Variants in RBFOX1 observed in about 807,000 individuals in gnomAD.
RBFOX1 encodes RNA binding protein fox-1 homolog 1.
Under a neutral mutation model 57.7 loss-of-function variants are expected in RBFOX1, and 8 were observed. That is an observed-to-expected ratio of 0.14 (90% CI 0.08 to 0.25). The LOEUF is 0.25. RBFOX1 is among the 10% of genes least tolerant of loss of function. RBFOX1 has a pLI of 1.00. For missense variants in RBFOX1, 611 were observed against 548.5 expected, an observed-to-expected ratio of 1.11 and a Z score of -1.14; for synonymous variants, 326 against 222.4, an observed-to-expected ratio of 1.47 and a Z score of -4.15.
chr16:5,724,763 C>A (rs1740927589), intron 3 of RBFOX1, among the ~76,000 whole-genome samples: 1 of 152,286 alleles, frequency 6.6e-6, no homozygotes. Flanking sequence ...AAGTACCTGG[C>A]ACCATACTGG....
chr16:7,603,368 G>T (rs1303303977), intron 9 of RBFOX1, among the ~76,000 whole-genome samples: 3 of 152,192 alleles, frequency 2.0e-5, no homozygotes, highest in African/African-American at 7.2e-5. Context: ...ATGTTGGACA[G>T]CAGTCTTGCC....
chr16:7,467,258 C>A (rs189930905), intron 4 of RBFOX1, among the ~76,000 whole-genome samples: 1 of 152,086 alleles, frequency 6.6e-6, no homozygotes, highest in Admixed American at 6.6e-5. Context: ...GGCGACCTCT[C>A]AATAGGGAAC....
chr16:6,901,419 A>G (rs934671050), intron 3 of RBFOX1, among the ~76,000 whole-genome samples: 12 of 152,266 alleles, frequency 7.9e-5, no homozygotes, highest in African/African-American at 2.4e-4. Flanking sequence ...GGGGAAGACA[A>G]TAACACAGAG....
intron 3 of RBFOX1, among the ~76,000 whole-genome samples, chr16:6,929,306 G>A (rs1227940836): frequency 6.6e-6 from 1 of 152,136 alleles, no homozygotes; most frequent in African/African-American, 2.4e-5. Context: ...CTGGTAAATG[G>A]AAGAGGGGTT....
chr16:6,391,665 G>A (rs1045483685), intron 2 of RBFOX1, among the ~76,000 whole-genome samples: 1 of 152,298 alleles, frequency 6.6e-6, no homozygotes, highest in East Asian at 1.9e-4. Context: ...GATGGAAGGT[G>A]ATAGTCATGG....
At chr16:7,147,686 G>T (rs1448842222) in intron 4 of RBFOX1, among the ~76,000 whole-genome samples, 1 of 152,092 alleles carries the variant, frequency 6.6e-6, no homozygotes, top group Non-Finnish European at 1.5e-5. Flanking sequence ...TCCATGTTGT[G>T]TATGGACCAC....
intron 4 of RBFOX1, among the ~76,000 whole-genome samples, chr16:7,498,360 C>G (rs1490777305): frequency 6.6e-6 from 1 of 152,102 alleles, no homozygotes; most frequent in Non-Finnish European, 1.5e-5. Context: ...CTCACTCAGC[C>G]TCTATGACAC....
intron 2 of RBFOX1, among the ~76,000 whole-genome samples, chr16:6,472,546 A>C (rs1261116538): frequency 6.6e-6 from 1 of 151,982 alleles, no homozygotes; most frequent in Admixed American, 6.6e-5. Context: ...GGATTTGGGG[A>C]AAGTGTGAGT....
chr16:7,338,421 G>A (rs1485222377), intron 4 of RBFOX1, among the ~76,000 whole-genome samples: 1 of 151,866 alleles, frequency 6.6e-6, no homozygotes, highest in Non-Finnish European at 1.5e-5. Flanking sequence ...TTAGAGAAAG[G>A]GTCTCACTCT....
chr16:5,416,716 C>G (rs111654720), intron 1 of RBFOX1, among the ~76,000 whole-genome samples: 1 of 150,518 alleles, frequency 6.6e-6, no homozygotes, highest in African/African-American at 2.5e-5. Context: ...TCAAGATTTT[C>G]TCTGTATCTC....
At chr16:7,070,813 G>A (rs554319223) in intron 4 of RBFOX1, among the ~76,000 whole-genome samples, 29 of 152,276 alleles carry the variant, frequency 1.9e-4, no homozygotes, top group Non-Finnish European at 2.8e-4. Context: ...CAGGTGGTGC[G>A]GATTGGGAAA....
At chr16:7,046,723 A>G (rs1196043378) in intron 3 of RBFOX1, among the ~76,000 whole-genome samples, 1 of 147,290 alleles carries the variant, frequency 6.8e-6, no homozygotes, top group Non-Finnish European at 1.5e-5. Flanking sequence ...CTCCTGCCTC[A>G]GCCTCCCAAA....
At chr16:5,330,649 C>G (rs971961857) in intron 1 of RBFOX1, among the ~76,000 whole-genome samples, 1 of 151,984 alleles carries the variant, frequency 6.6e-6, no homozygotes, top group African/African-American at 2.4e-5. Context: ...AGGTGATCTG[C>G]CTGCATCTGC....
At chr16:7,075,225 T>A (rs1307694465) in intron 4 of RBFOX1, among the ~76,000 whole-genome samples, 1 of 152,200 alleles carries the variant, frequency 6.6e-6, no homozygotes, top group African/African-American at 2.4e-5. Flanking sequence ...CACTTCTGGG[T>A]ACCAACAGTA....
intron 4 of RBFOX1, among the ~76,000 whole-genome samples, chr16:7,172,795 C>A (rs1278286187): frequency 6.6e-6 from 1 of 152,034 alleles, no homozygotes; most frequent in Non-Finnish European, 1.5e-5. Flanking sequence ...GTTGGCTTCC[C>A]AATGTAGAGT....
chr16:7,606,018 G>A (rs1387435412), intron 9 of RBFOX1, among the ~76,000 whole-genome samples: 1 of 151,986 alleles, frequency 6.6e-6, no homozygotes, highest in Admixed American at 6.6e-5. Context: ...ATGCTGGACA[G>A]GCTGCTCTCT....
chr16:5,391,874 G>GGTGT (rs747794354), intron 1 of RBFOX1, among the ~76,000 whole-genome samples: 1 of 125,816 alleles, frequency 7.9e-6, no homozygotes. Context: ...AAGAAACTAT[G>GGTGT]GTGTGTGTGT....
intron 2 of RBFOX1, among the ~76,000 whole-genome samples, chr16:6,427,595 G>T (rs1021161893): frequency 1.8e-4 from 28 of 152,148 alleles, no homozygotes; most frequent in Non-Finnish European, 5.9e-5. Flanking sequence ...TAATGAAAGA[G>T]TAAAAATGTT....
At chr16:6,278,208 T>G (rs2076025036) in intron 1 of RBFOX1, among the ~76,000 whole-genome samples, 1 of 152,000 alleles carries the variant, frequency 6.6e-6, no homozygotes, top group Non-Finnish European at 1.5e-5. Context: ...CCCTTTCGGC[T>G]CAGTCCCCTT....
Sources: gnomAD v4.1 joint callset for allele counts (sites outside exome capture counted in the v4.1 genomes callset) on GRCh38, gnomAD v4.1.1 for gene constraint, MANE v1.5 for transcripts, NCBI Gene and HGNC (gene_info 2026-07-23, HGNC 2026-07-21) for gene names.